TACC1: variants seen among roughly 807,000 people sequenced by gnomAD.
TACC1 encodes transforming acidic coiled-coil-containing protein 1.
TACC1 carries 48 observed loss-of-function variants against 84.4 expected under a neutral mutation model. The ratio of observed to expected loss-of-function variants is 0.57; its 90% CI spans 0.45 to 0.72. The LOEUF is 0.72. Among genes scored for constraint, TACC1 ranks in the 30% least tolerant of loss-of-function variants. The pLI is 0.00. For synonymous variants in TACC1, 372 were observed against 376.3 expected (o/e 0.99, Z 0.13); for missense variants, 920 against 973.0 (o/e 0.95, Z 0.72).
chr8:38,761,784 A>G (rs1811253276), intron 3 of TACC1, among the ~76,000 whole-genome samples: 2 of 152,226 alleles, frequency 1.3e-5, no homozygotes, highest in Admixed American at 1.3e-4. Flanking sequence ...AAAATGTCTT[A>G]GTATAAAATT....
At chr8:38,747,896 A>G (rs1011122858) in intron 3 of TACC1, among the ~76,000 whole-genome samples, 11 of 152,196 alleles carry the variant, frequency 7.2e-5, no homozygotes, top group African/African-American at 2.4e-4. Flanking sequence ...CATTGATTGT[A>G]GCAAATGCAC....
intron 7 of TACC1, 98 bp from the exon 8 acceptor site, chr8:38,838,372 A>C (rs1478171311): frequency 3.5e-5 from 27 of 781,036 alleles, no homozygotes; most frequent in South Asian, 2.4e-4. Flanking sequence ...ATATAGATTG[A>C]ACATCTTGGG....
chr8:38,782,322 C>T (rs1462223933), upstream of TACC1, among the ~76,000 whole-genome samples: 1 of 152,136 alleles, frequency 6.6e-6, no homozygotes, highest in African/African-American at 2.4e-5. Flanking sequence ...TTTCCAATTT[C>T]ATCCATGTCC....
At chr8:38,783,386 A>C (rs911306467), upstream of TACC1, among the ~76,000 whole-genome samples, 1 of 150,610 alleles carries the variant, frequency 6.6e-6, no homozygotes, top group Non-Finnish European at 1.5e-5. Flanking sequence ...TGCAGTTTGG[A>C]TCTTTGTTAA....
At chr8:38,745,776 T>C (rs1256143196) in intron 3 of TACC1, among the ~76,000 whole-genome samples, 1 of 152,184 alleles carries the variant, frequency 6.6e-6, no homozygotes, top group Non-Finnish European at 1.5e-5. Context: ...ACTCCTGACC[T>C]CAGGTGATCC....
intron 8 of TACC1, chr8:38,839,180 C>T (rs964164954): frequency 4.9e-5 from 17 of 349,410 alleles, no homozygotes; most frequent in South Asian, 1.5e-4. Context: ...TGAGCCACAG[C>T]GCCTGGTCCA....
chr8:38,804,581 G>A (rs1307506857), intron 2 of TACC1, among the ~76,000 whole-genome samples: 3 of 152,142 alleles, frequency 2.0e-5, no homozygotes, highest in Admixed American at 6.5e-5. Context: ...GATTACAGGC[G>A]TGAGCCACTG....
intron 8 of TACC1, chr8:38,839,331 G>T: frequency 2.5e-6 from 1 of 396,098 alleles, no homozygotes; most frequent in South Asian, 1.3e-4. Context: ...TTTTAGAAAG[G>T]AGAGTTATGA....
chr8:38,788,858 C>A (rs1587692348), intron 2 of TACC1, 39 bp downstream of exon 2: 2 of 1,504,944 alleles, frequency 1.3e-6, no homozygotes, highest in South Asian at 1.2e-5. Context: ...TGTTTTGTTT[C>A]AAAAGTTTTG....
At chr8:38,765,958 T>C (rs1365694313) in intron 3 of TACC1, among the ~76,000 whole-genome samples, 1 of 152,234 alleles carries the variant, frequency 6.6e-6, no homozygotes, top group African/African-American at 2.4e-5. Flanking sequence ...GCTGAAATAG[T>C]GGCACCTTCA....
chr8:38,802,498 A>G (rs1316612530), intron 2 of TACC1, among the ~76,000 whole-genome samples: 2 of 152,210 alleles, frequency 1.3e-5, no homozygotes, highest in South Asian at 2.1e-4. Flanking sequence ...TCCCAAAACC[A>G]TACCCCTACC....
At position 38,843,275 on chromosome 8, in the gene TACC1, T is replaced by G. The variant is rs1831594946; in HGVS notation, c.2122-14T>G. The G allele has an allele frequency of 2.0e-6, 3 of 1,536,774 alleles. No individual in the cohort carries two copies. In the Admixed American group the frequency reaches 6.3e-5, roughly 32 times the overall value. The stretch of plus-strand genomic sequence containing the variant: ...AAAATGACCTGTTTATTTTCAATTT[T>G]TGCTTTGGAACAGAATGAAGAAGCC... On this transcript the variant is annotated splice_polypyrimidine_tract_variant and intron_variant, in intron 10 of 12. Coordinates refer to ENST00000317827, the MANE Select transcript of TACC1 (RefSeq NM_006283.3).
At position 38,849,106 on chromosome 8, in the gene TACC1, A is replaced by G. The variant is rs1832774046; in HGVS notation, c.*1083A>G. 1 of 152,188 alleles carries G rather than the reference A, an allele frequency of 6.6e-6. No individual in the cohort carries two copies. Among genetic ancestry groups the G allele is most frequent in the Non-Finnish European group, 1.5e-5 (1 of 68,040 alleles). 9.4% of individuals were successfully genotyped at this position (152,188 alleles called of 1,614,324 possible). A position where few individuals can be genotyped will look rare whatever the true frequency, so the allele number is the denominator to read the frequency against. On this transcript the variant is annotated 3_prime_UTR_variant, in exon 13 of 13. Coordinates refer to ENST00000317827, the MANE Select transcript of TACC1 (RefSeq NM_006283.3). Reference sequence around the variant, plus strand: ...AAGAAATGTTTTTTTCCCAAGTGTGATGCATTGTTCTTCAGATGTTGAAAA... The same window carrying G: ...AAGAAATGTTTTTTTCCCAAGTGTGGTGCATTGTTCTTCAGATGTTGAAAA...
chr8:38,783,090 C>A (rs547837863), upstream of TACC1, among the ~76,000 whole-genome samples: 418 of 111,706 alleles, frequency 3.7e-3, 3 homozygotes, highest in African/African-American at 0.018. Context: ...ATCTATCTAT[C>A]TATCTATCTA....
At chr8:38,809,756 A>T (rs1005614661) in intron 2 of TACC1, among the ~76,000 whole-genome samples, 5 of 152,132 alleles carry the variant, frequency 3.3e-5, no homozygotes, top group African/African-American at 4.8e-5. Flanking sequence ...CAAGAGGTGG[A>T]TGAGTGTGGG....
chr8:38,845,826 T>C (rs1832124454), intron 11 of TACC1, among the ~76,000 whole-genome samples: 1 of 152,262 alleles, frequency 6.6e-6, no homozygotes, highest in South Asian at 2.1e-4. Context: ...CACATGAGCC[T>C]GCCTGTCTCC....
In TACC1 at chr8:38,820,108, C is replaced by T; in HGVS notation, c.864C>T (p.Pro288=). 1.9e-6 allele frequency: 3 copies of T among 1,614,098 alleles called. No individual in the cohort carries two copies. Among genetic ancestry groups the T allele is most frequent in the Non-Finnish European group, 2.5e-6 (3 of 1,180,028 alleles). ...GAGATGCCAGGTTCCAGAAGTCTCC[C>T]CCTGACCTTAAAGAAACTCCCGGCA... ...LLGDARFQKS[P]PDLKETPGTL... Residue 288 remains proline, a synonymous_variant, in exon 3 of 13, where the codon CCC becomes CCT. Transcript: ENST00000317827.
At chr8:38,827,652 A>G (rs1167424619) in intron 5 of TACC1, 1 of 459,086 alleles carries the variant, frequency 2.2e-6, no homozygotes, top group African/African-American at 2.0e-5. Context: ...GAATATGGCC[A>G]TATCTTAAAG....
intron 11 of TACC1, 73 bp from the exon 12 acceptor site, chr8:38,846,626 A>G: frequency 1.3e-6 from 2 of 1,582,508 alleles, no homozygotes; most frequent in East Asian, 2.3e-5. Flanking sequence ...AGTGGTTAGT[A>G]TCCTGACTGG....
Sources: allele counts gnomAD v4.1 joint callset (sites outside exome capture counted in the v4.1 genomes callset), GRCh38; gene constraint gnomAD v4.1.1; transcripts MANE v1.5; gene names NCBI Gene and HGNC (gene_info 2026-07-23, HGNC 2026-07-21).